Variants in HAUS6 observed in about 807,000 individuals in gnomAD.
The protein encoded by HAUS6 is HAUS augmin-like complex subunit 6.
In HAUS6, 80 loss-of-function variants were observed where a neutral mutation model predicts 106.8. The ratio of observed to expected loss-of-function variants is 0.75; its 90% CI spans 0.63 to 0.90. The LOEUF (loss-of-function observed/expected upper bound fraction) is 0.90, where lower values mean the gene tolerates loss of function less well. Among genes scored for constraint, HAUS6 ranks in the 40% least tolerant of loss-of-function variants. HAUS6 has a pLI of 0.00. For synonymous variants in HAUS6, 356 were observed against 379.1 expected (o/e 0.94, Z 0.71); for missense variants, 1,155 against 1,118.1 (o/e 1.03, Z -0.47).
chr9:19,093,376 T>G, intron 3 of HAUS6, 73 bp from the exon 4 acceptor site: 1 of 1,319,558 alleles, frequency 7.6e-7, no homozygotes, highest in Non-Finnish European at 1.1e-6. Context: ...CACACTATTT[T>G]TGTTAAAGGG....
intron 13 of HAUS6, 112 bp from the exon 14 acceptor site, chr9:19,063,305 T>A: frequency 1.4e-6 from 1 of 738,460 alleles, no homozygotes; most frequent in African/African-American, 1.8e-5. Flanking sequence ...TTGTTAATAC[T>A]ATTGTGAAAT....
chr9:19,075,429 T>C (rs190181251), intron 11 of HAUS6, among the ~76,000 whole-genome samples: 37 of 152,358 alleles, frequency 2.4e-4, no homozygotes, highest in Middle Eastern at 6.8e-3. Context: ...TGAACGCTGA[T>C]ACATGCTACA....
At chr9:19,064,968 G>C (rs1836728780) in intron 12 of HAUS6, 2 of 152,214 alleles carry the variant, frequency 1.3e-5, no homozygotes, top group Non-Finnish European at 2.9e-5. Flanking sequence ...TAAGGACAAA[G>C]GCTATGTCTT....
intron 4 of HAUS6, among the ~76,000 whole-genome samples, chr9:19,090,919 T>C (rs558367292): frequency 9.2e-5 from 14 of 152,286 alleles, no homozygotes; most frequent in African/African-American, 3.1e-4. Flanking sequence ...CATGGTTCAA[T>C]ACAACAAAAA....
intron 15 of HAUS6, 55 bp from the exon 16 acceptor site, chr9:19,059,056 C>A (rs1024586806): frequency 1.2e-5 from 11 of 923,506 alleles, no homozygotes; most frequent in African/African-American, 3.3e-5. Context: ...ATAGAGCATG[C>A]AATGAATCAT....
chr9:19,089,284 C>T, intron 5 of HAUS6, 128 bp downstream of exon 5: 1 of 626,446 alleles, frequency 1.6e-6, no homozygotes, highest in Non-Finnish European at 2.8e-6. Context: ...AAGAAGTTAT[C>T]TGACTTTAAA....
At chr9:19,061,285 T>C (rs972164810) in intron 14 of HAUS6, among the ~76,000 whole-genome samples, 7 of 152,210 alleles carry the variant, frequency 4.6e-5, no homozygotes, top group African/African-American at 1.4e-4. Flanking sequence ...TCCCCTGTCA[T>C]AAACACTCTT....
In HAUS6 at chr9:19,070,289, G is replaced by C. The variant is rs763939491; in HGVS notation, c.1306C>G (p.Gln436Glu). The C allele has an allele frequency of 6.3e-7, 1 of 1,578,442 alleles. No homozygotes were observed. The highest frequency in any genetic ancestry group is 2.2e-5 in the East Asian group (1 of 44,656). Residue 436 changes from glutamine to glutamate, a missense_variant, in exon 12 of 17, where the codon CAA (glutamine) becomes GAA (glutamate). This residue lies in a region of HAUS6 where 761 missense variants were observed against 690.0 expected (regional missense o/e 1.10). Coordinates refer to ENST00000380502, the MANE Select transcript of HAUS6 (RefSeq NM_017645.5). ...CTGCAACCATTTTCTTGGTTATGTT[G>C]CTTATGTGCATCTAAAGAAATTTAA... ...YPASLPDAHK[Q>E]HNQENGCRGD...
intron 12 of HAUS6, among the ~76,000 whole-genome samples, chr9:19,066,887 C>T (rs1836770654): frequency 1.3e-5 from 2 of 150,690 alleles, no homozygotes. Flanking sequence ...CATGCCTGCA[C>T]TCCTAGCTAC....
Position 19,058,963 on chromosome 9 carries a change from T to C in HAUS6, c.1804A>G (p.Met602Val), listed in dbSNP as rs1173864254. ...GGTTCTTTAGTTCTGTTTTCTTCCA[T>C]TTCAATAGCTTTTCTCCATGAGCTC... Reference protein sequence around the residue: ...IRSSWRKAIEMEENRTKEPIQ... With the variant: ...IRSSWRKAIEVEENRTKEPIQ... The change falls in exon 16 of 17, where the codon ATG (methionine) becomes GTG (valine). Residue 602 changes from methionine to valine, a missense_variant. Transcript: ENST00000380502. 1 of 1,602,174 alleles carries C rather than the reference T, an allele frequency of 6.2e-7. No individual in the cohort carries two copies. Among genetic ancestry groups the C allele is most frequent in the Non-Finnish European group, 8.5e-7 (1 of 1,170,408 alleles).
intron 12 of HAUS6, among the ~76,000 whole-genome samples, chr9:19,068,064 G>C (rs866536598): frequency 6.6e-6 from 1 of 151,702 alleles, no homozygotes; most frequent in Admixed American, 6.6e-5. Flanking sequence ...TATTAATCTA[G>C]TATCCCTATC....
intron 9 of HAUS6, among the ~76,000 whole-genome samples, chr9:19,080,060 G>A (rs1165735455): frequency 6.6e-6 from 1 of 150,478 alleles, no homozygotes; most frequent in Non-Finnish European, 1.5e-5. Context: ...TGTAATCGCA[G>A]CTACTCAAGA....
intron 3 of HAUS6, among the ~76,000 whole-genome samples, chr9:19,093,719 G>C (rs1817803223): frequency 6.6e-6 from 1 of 151,958 alleles, no homozygotes; most frequent in Non-Finnish European, 1.5e-5. Flanking sequence ...AAATACAAAA[G>C]TTATCTGGGC....
At chr9:19,059,566 T>G (rs1243327982) in intron 15 of HAUS6, among the ~76,000 whole-genome samples, 1 of 152,238 alleles carries the variant, frequency 6.6e-6, no homozygotes, top group East Asian at 1.9e-4. Flanking sequence ...CAGAAATTAT[T>G]TAATTACTCA....
rs1040046295 is a variant in HAUS6, at chr9:19,100,984, T to C, written c.128+1540A>G. Among the ~76,000 whole-genome samples, 5 of 152,092 alleles carry C rather than the reference T, an allele frequency of 3.3e-5. No individual in the cohort carries two copies. The South Asian group carries it at 8.3e-4, about 25-fold the overall frequency. ...AGAGAAGTTGATTAATGGGTACAAA[T>C]ATACAGTTAGATAGAAGGAATAAGT... On this transcript the variant is annotated intron_variant, in intron 1 of 16. Transcript: ENST00000380502.
Position 19,058,011 on chromosome 9 carries a change from C to A in HAUS6, c.2756G>T (p.Arg919Ile). Residue 919 changes from arginine to isoleucine, a missense_variant, in exon 16 of 17, where the codon AGA (arginine) becomes ATA (isoleucine). By Grantham distance (97) the Arg-to-Ile change is moderately conservative. Around this residue, in one of 3 missense-constraint regions of HAUS6, gnomAD observed 380 missense variants for 394.8 expected, o/e 0.96. Coordinates refer to ENST00000380502, the MANE Select transcript of HAUS6 (RefSeq NM_017645.5). ...ACTACATGCTATTGTGGTTCTCAAT[C>A]TTTGTTCCACTGGAGAAAACTTAAT... is the stretch of plus-strand genomic sequence containing the variant. ...PLIKFSPVEQ[R>I]LRTTIACSLG... 6.2e-7 allele frequency: 1 copy of A among 1,612,274 alleles called. No homozygotes were observed.
rs71333078 is a variant in HAUS6, at chr9:19,066,830, C to CAAA, written c.1377-3253_1377-3251dup. On this transcript the variant is annotated intron_variant, in intron 12 of 16. Transcript: ENST00000380502. The stretch of plus-strand genomic sequence containing the variant: ...GCAACATAGTGAGACCTCATCTCTA[C>CAAA]AAAAAAAAAAAAAAAAAAAAAATTT... Among the ~76,000 whole-genome samples, 638 of 81,882 alleles carry CAAA rather than the reference C, an allele frequency of 7.8e-3. 10 individuals carry two copies. Among genetic ancestry groups the CAAA allele is most frequent in the African/African-American group, 0.026 (589 of 22,980 alleles). The allele number at this position is 81,882 out of a possible 152,430, so 53.7% of individuals were successfully genotyped here. A position where few individuals can be genotyped will look rare whatever the true frequency, so the allele number is the denominator to read the frequency against.
At chr9:19,092,618 GAAA>G (rs754952207) in intron 4 of HAUS6, among the ~76,000 whole-genome samples, 8 of 55,016 alleles carry the variant, frequency 1.5e-4, no homozygotes, top group Non-Finnish European at 2.2e-4. Context: ...CTCCGTCTCG[GAAA>G]AAAAAAAAAA....
At chr9:19,078,815 A>G (rs977276922) in intron 9 of HAUS6, among the ~76,000 whole-genome samples, 2 of 147,536 alleles carry the variant, frequency 1.4e-5, no homozygotes, top group South Asian at 4.2e-4. Context: ...AAAAATAAAT[A>G]AATAAATAAA....
Sources: gnomAD v4.1 joint callset for allele counts (sites outside exome capture counted in the v4.1 genomes callset) on GRCh38, gnomAD v4.1.1 for gene constraint, gnomAD v4.1.1 regional missense constraint, MANE v1.5 for transcripts, NCBI Gene and HGNC (gene_info 2026-07-23, HGNC 2026-07-21) for gene names.